DMBX1: variants seen among roughly 807,000 people sequenced by gnomAD.
DMBX1 encodes diencephalon/mesencephalon homeobox 1, also known as diencephalon/mesencephalon homeobox protein 1.
In DMBX1, 7 loss-of-function variants were observed where a neutral mutation model predicts 30.4. The ratio of observed to expected loss-of-function variants is 0.23; its 90% CI spans 0.13 to 0.43. The LOEUF (loss-of-function observed/expected upper bound fraction) is 0.43. DMBX1 is among the 20% of genes least tolerant of loss of function. The probability of loss-of-function intolerance (pLI) is 1.00; values close to 1 mark genes in which losing one functional copy is unlikely to be tolerated. For missense variants in DMBX1, 460 were observed against 508.5 expected, an observed-to-expected ratio of 0.90 and a Z score of 0.92; for synonymous variants, 222 against 214.2, an observed-to-expected ratio of 1.04 and a Z score of -0.32.
Position 46,493,335 on chromosome 1 carries a change from T to C in DMBX1, c.-13+2552T>C, listed in dbSNP as rs1665966755. On this transcript the variant is annotated intron_variant, in intron 2 of 5. Coordinates refer to ENST00000360032, the MANE Select transcript of DMBX1 (RefSeq NM_172225.2). The surrounding 1 kb of genome is among the most constrained non-coding windows in gnomAD (Gnocchi z 4.1). ...TCTCCTGTCTGACCTTGAGCGAGTC[T>C]CAGTTTCCCTTTCTGTAAGAAGGGC... Among the ~76,000 whole-genome samples, 1 of 152,158 alleles carries C rather than the reference T, an allele frequency of 6.6e-6. No homozygotes were observed. Among genetic ancestry groups the C allele is most frequent in the African/African-American group, 2.4e-5 (1 of 41,430 alleles).
rs1462611209 is a variant in DMBX1 at position 46,514,423 on chromosome 1, A to G, written c.*1929A>G. 2.0e-5 allele frequency among the ~76,000 whole-genome samples: 3 copies of G among 152,174 alleles called. No homozygotes were observed. The highest frequency in any genetic ancestry group is 2.9e-5 in the Non-Finnish European group (2 of 68,020). ...ACAATATATGAAGTAGGAAATTACT[A>G]TTGCCTTTCTGTGGAGCAAGGGGTG... On this transcript the variant is annotated 3_prime_UTR_variant, in exon 6 of 6. Transcript: ENST00000360032.
chr1:46,510,344 G>T lies in DMBX1; in HGVS notation c.155-132G>T, dbSNP rs1666338001. ...GAGAGGGGATGGCTGATTTCTAAGG[G>T]TAAGGGACCAGGGCCAGCTCTGGCA... On this transcript the variant is annotated intron_variant, in intron 3 of 5. Transcript: ENST00000360032. The surrounding 1 kb of genome is among the most constrained non-coding windows in gnomAD (Gnocchi z 4.1). The T allele has an allele frequency of 1.7e-6, 2 of 1,160,722 alleles. No individual in the cohort carries two copies. The highest frequency in any genetic ancestry group is 1.2e-6 in the Non-Finnish European group (1 of 841,940). 71.9% of individuals were successfully genotyped at this position (1,160,722 alleles called of 1,614,324 possible).
In DMBX1 at chr1:46,510,733, T is replaced by A; in HGVS notation, c.333+79T>A. On this transcript the variant is annotated intron_variant, in intron 4 of 5. Coordinates refer to ENST00000360032, the MANE Select transcript of DMBX1 (RefSeq NM_172225.2). The surrounding 1 kb of genome is among the most constrained non-coding windows in gnomAD (Gnocchi z 4.1). The stretch of plus-strand genomic sequence containing the variant: ...CTGCCCGCTTGTCCAGGAGCCAGCA[T>A]GTCATCCCTGTGCCAAGGTGCAACT... The A allele has an allele frequency of 1.3e-6, 2 of 1,511,280 alleles. No individual in the cohort carries two copies. Among genetic ancestry groups the A allele is most frequent in the Non-Finnish European group, 1.8e-6 (2 of 1,123,388 alleles). The allele number at this position is 1,511,280 out of a possible 1,614,324, so 93.6% of individuals were successfully genotyped here. A position where few individuals can be genotyped will look rare whatever the true frequency, so the allele number is the denominator to read the frequency against.
chr1:46,502,238 G>GT (rs1666150449), intron 2 of DMBX1, among the ~76,000 whole-genome samples: 1 of 152,086 alleles, frequency 6.6e-6, no homozygotes, highest in Admixed American at 6.5e-5. Flanking sequence ...TTCTTGCCAT[G>GT]TCCCCCAAAA....
At position 46,493,921 on chromosome 1, in the gene DMBX1, G is replaced by T. The variant is rs533640741; in HGVS notation, c.-13+3138G>T. ...TCTGTAGTCCCTGTTTCCCAGCCCC[G>T]GCCTGGATCTGGATGGCCAAAAGTG... On this transcript the variant is annotated intron_variant, in intron 2 of 5. Transcript: ENST00000360032. This position sits in a 1 kb window ranked among gnomAD's most constrained non-coding sequence, Gnocchi z 4.1. Among the ~76,000 whole-genome samples, 7 of 152,228 alleles carry T rather than the reference G, an allele frequency of 4.6e-5. No individual in the cohort carries two copies. Among genetic ancestry groups the T allele is most frequent in the African/African-American group, 1.7e-4 (7 of 41,462 alleles).
rs68064112 is a variant in DMBX1, at chr1:46,514,229, T to A, written c.*1735T>A. The A allele has an allele frequency of 0.34, 28,823 of 84,520 alleles. 2,901 individuals are homozygous for A. Among genetic ancestry groups the A allele is most frequent in the Non-Finnish European group, 0.42 (13,821 of 32,704 alleles). The allele number at this position is 84,520 out of a possible 1,614,324, so 5.2% of individuals were successfully genotyped here. On this transcript the variant is annotated 3_prime_UTR_variant, in exon 6 of 6. Coordinates refer to ENST00000360032, the MANE Select transcript of DMBX1 (RefSeq NM_172225.2). ...CTCCATCTCAAAAAAAAAAAAAAAA[T>A]AAATAAAAGCTGTGTGACCTTGGGC...
chr1:46,501,958 G>A (rs1318636103), intron 2 of DMBX1, among the ~76,000 whole-genome samples: 1 of 152,010 alleles, frequency 6.6e-6, no homozygotes, highest in East Asian at 1.9e-4. Flanking sequence ...TTTATTGTTT[G>A]CCTTTTAGCT....
At position 46,512,372 on chromosome 1, in the gene DMBX1, C is replaced by T. The variant is rs774363974; in HGVS notation, c.1012C>T (p.Pro338Ser). Residue 338 changes from proline to serine, a missense_variant, in exon 6 of 6, where the codon CCC becomes TCC. Transcript: ENST00000360032. This position sits in a 1 kb window ranked among gnomAD's most constrained non-coding sequence, Gnocchi z 4.8. The part of the protein sequence containing the change: ...GVWGSPLLPA[P>S]PAGLAPASAT... ...GTGGGGGTCTCCTCTGCTGCCTGCA[C>T]CCCCAGCAGGCCTGGCTCCTGCATC... 1.9e-6 allele frequency: 3 copies of T among 1,614,008 alleles called. No individual in the cohort carries two copies. The highest frequency in any genetic ancestry group is 2.7e-5 in the African/African-American group (2 of 75,018).
intron 2 of DMBX1, among the ~76,000 whole-genome samples, chr1:46,494,674 T>C (rs1177129984): frequency 6.6e-6 from 1 of 152,080 alleles, no homozygotes; most frequent in Admixed American, 6.5e-5. Flanking sequence ...CTTTGAGGAA[T>C]TTATGAGCTC....
chr1:46,510,966 G>A lies in DMBX1; in HGVS notation c.365G>A (p.Arg122Gln), dbSNP rs370554452. 6.8e-6 allele frequency: 11 copies of A among 1,609,778 alleles called. No homozygotes were observed. The highest frequency in any genetic ancestry group is 2.7e-5 in the African/African-American group (2 of 74,798). ...TTCAAGAACCGCCGGGCCAAGTTCC[G>A]GAAGAAGCAGCGTAGCCTGCAGAAG... ...VWFKNRRAKF[R>Q]KKQRSLQKEQ... Residue 122 changes from arginine (R) to glutamine (Q), a missense_variant, in exon 5 of 6, where the codon CGG (arginine) becomes CAG (glutamine). Around this residue, in one of 3 missense-constraint regions of DMBX1, gnomAD observed 334 missense variants for 345.1 expected, o/e 0.97. Transcript: ENST00000360032. This position sits in a 1 kb window ranked among gnomAD's most constrained non-coding sequence, Gnocchi z 4.1.
chr1:46,502,288 C>A (rs1335613762), intron 2 of DMBX1, among the ~76,000 whole-genome samples: 3 of 152,154 alleles, frequency 2.0e-5, no homozygotes, highest in African/African-American at 7.2e-5. Context: ...TCTGCTTCTC[C>A]AACTCAATGC....
chr1:46,508,822 ACCC>A (rs1472262258), intron 3 of DMBX1, among the ~76,000 whole-genome samples: 1 of 80,034 alleles, frequency 1.2e-5, no homozygotes, highest in African/African-American at 4.7e-5. Flanking sequence ...CCCACCCCCC[ACCC>A]CCCACCACCC....
chr1:46,508,643 C>T (rs1423495610), intron 3 of DMBX1, among the ~76,000 whole-genome samples: 1 of 152,178 alleles, frequency 6.6e-6, no homozygotes, highest in African/African-American at 2.4e-5. Flanking sequence ...GGCTCATGTC[C>T]GCTGGTGGGG....
intron 2 of DMBX1, among the ~76,000 whole-genome samples, chr1:46,495,013 G>T (rs1294047156): frequency 6.6e-6 from 1 of 152,196 alleles, no homozygotes; most frequent in East Asian, 1.9e-4. Context: ...CAAGGTCAGG[G>T]TCACAGCTGT....
chr1:46,491,804 A>T lies in DMBX1; in HGVS notation c.-13+1021A>T, dbSNP rs978789556. The stretch of plus-strand genomic sequence containing the variant: ...CATCCCTGGTTCTCCCCTCGAATGG[A>T]AAGGCACTCTGGCCTAAGGACGAAT... On this transcript the variant is annotated intron_variant, in intron 2 of 5. Transcript: ENST00000360032. This position sits in a 1 kb window ranked among gnomAD's most constrained non-coding sequence, Gnocchi z 5.5. Among the ~76,000 whole-genome samples, 3 of 146,368 alleles carry T rather than the reference A, an allele frequency of 2.0e-5. No individual in the cohort carries two copies. Among genetic ancestry groups the T allele is most frequent in the African/African-American group, 7.3e-5 (3 of 41,006 alleles).
chr1:46,497,494 G>A (rs1375717696), intron 2 of DMBX1, among the ~76,000 whole-genome samples: 1 of 152,200 alleles, frequency 6.6e-6, no homozygotes, highest in Non-Finnish European at 1.5e-5. Flanking sequence ...GAATGGGAAT[G>A]AGAAGAAACA....
chr1:46,492,098 C>T (rs1665940359), intron 2 of DMBX1, among the ~76,000 whole-genome samples: 1 of 152,170 alleles, frequency 6.6e-6, no homozygotes, highest in South Asian at 2.1e-4. Context: ...AGCCCAGACC[C>T]CGAATGGAAT....
At chr1:46,496,383 T>C (rs1233189280) in intron 2 of DMBX1, among the ~76,000 whole-genome samples, 1 of 152,038 alleles carries the variant, frequency 6.6e-6, no homozygotes, top group Non-Finnish European at 1.5e-5. Flanking sequence ...GGGAACAGGG[T>C]ACTTACTGGG....
rs1042349052 is a variant in DMBX1 at position 46,513,257 on chromosome 1, C to T, written c.*763C>T. 1 of 152,508 alleles carries T rather than the reference C, an allele frequency of 6.6e-6. No individual in the cohort carries two copies. Among genetic ancestry groups the T allele is most frequent in the Non-Finnish European group, 1.5e-5 (1 of 68,294 alleles). 9.4% of individuals were successfully genotyped at this position (152,508 alleles called of 1,614,324 possible). On this transcript the variant is annotated 3_prime_UTR_variant, in exon 6 of 6. Coordinates refer to ENST00000360032, the MANE Select transcript of DMBX1 (RefSeq NM_172225.2). Reference sequence around the variant, plus strand: ...TTCTATTCCCTTCCTTCTGCCCTGCCTGCCTCCCTGCACCTGCGGCCTCTC... The same window carrying T: ...TTCTATTCCCTTCCTTCTGCCCTGCTTGCCTCCCTGCACCTGCGGCCTCTC...
Sources: gnomAD v4.1 joint callset for allele counts (sites outside exome capture counted in the v4.1 genomes callset) on GRCh38, gnomAD v4.1.1 for gene constraint, gnomAD v4.1.1 regional missense constraint, Gnocchi (gnomAD v3.1) non-coding constraint, MANE v1.5 for transcripts, NCBI Gene and HGNC (gene_info 2026-07-23, HGNC 2026-07-21) for gene names.